The following CLCN5 variants were observed in gnomAD, a reference collection of about 807,000 sequenced individuals.
CLCN5 encodes the protein Cl-/H+ antiporter 5.
Under a neutral mutation model 54.0 loss-of-function variants are expected in CLCN5, and 17 were observed. That is an observed-to-expected ratio of 0.31 (90% confidence interval 0.22 to 0.47). CLCN5 has a LOEUF of 0.47. CLCN5 is among the 20% of genes least tolerant of loss of function. The pLI, the probability that CLCN5 is intolerant of heterozygous loss-of-function variation, is 1.00. For missense variants in CLCN5, 448 were observed against 646.7 expected (o/e 0.69, Z 3.33); for synonymous variants, 222 against 233.0 (o/e 0.95, Z 0.43).
rs1325606841 is a variant in CLCN5, at chrX:50,069,926, A to G, written c.211A>G (p.Met71Val). The G allele has an allele frequency of 3.3e-6, 4 of 1,208,271 alleles. No individual in the cohort carries two copies. Among genetic ancestry groups the G allele is most frequent in the Non-Finnish European group, 4.5e-6 (4 of 893,839 alleles). ...GGGIGSSNRIMDFLEEPIPGV... is the reference protein window; with the variant it reads ...GGGIGSSNRIVDFLEEPIPGV... The stretch of plus-strand genomic sequence containing the variant: ...AGGAATAGGTTCTTCAAATAGGATC[A>G]TGGACTTCTTGGAGGAGCCAATCCC... The change falls in exon 5 of 15, where the codon ATG (methionine) becomes GTG (valine). Residue 71 changes from methionine (M) to valine (V), a missense_variant. This residue lies in a region of CLCN5 where 69 missense variants were observed against 60.9 expected (regional missense o/e 1.13). Coordinates refer to ENST00000376091, the MANE Select transcript of CLCN5 (RefSeq NM_001127898.4).
intron 3 of CLCN5, chrX:50,009,914 A>G (rs1557182254): frequency 3.3e-6 from 1 of 302,681 alleles, no homozygotes; most frequent in Non-Finnish European, 6.5e-6. Flanking sequence ...AATAATATGT[A>G]TTGGGCACCA....
chrX:50,077,141 C>A (rs1933434924), intron 7 of CLCN5, among the ~76,000 whole-genome samples: 1 of 111,568 alleles, frequency 9.0e-6, no homozygotes, highest in Non-Finnish European at 1.9e-5. Context: ...TACACAAATA[C>A]AAACAGTCCA....
Position 49,936,040 on chromosome X carries a change from C to T in CLCN5, c.16+10726C>T, listed in dbSNP as rs192093566. 3.2e-3 allele frequency among the ~76,000 whole-genome samples: 356 copies of T among 111,227 alleles called. 1 individual carries two copies. The highest frequency in any genetic ancestry group is 0.011 in the African/African-American group (340 of 30,608). On this transcript the variant is annotated intron_variant, in intron 3 of 14. Transcript: ENST00000376091. The stretch of plus-strand genomic sequence containing the variant: ...TGAATCTTTCTTTAATGAGTAATAA[C>T]TGCCTTGCCTTCCTATCAGGATTGC...
Position 50,086,424 on chromosome X carries a change from A to T in CLCN5, c.1111A>T (p.Ser371Cys). The change falls in exon 11 of 15, where the codon AGC becomes TGC. Residue 371 changes from serine to cysteine, a missense_variant. This residue lies in a region of CLCN5 where 297 missense variants were observed against 470.4 expected (regional missense o/e 0.63). Transcript: ENST00000376091. ...ACGCTCCATCAATCCATTTGGGAAC[A>T]GCCGCCTGGTACTATTTTATGTGGA... Reference protein sequence around the residue: ...TLRSINPFGNSRLVLFYVEFH... With the variant: ...TLRSINPFGNCRLVLFYVEFH... 1 of 1,211,248 alleles carries T rather than the reference A, an allele frequency of 8.3e-7. No homozygotes were observed. Among genetic ancestry groups the T allele is most frequent in the African/African-American group, 1.7e-5 (1 of 57,690 alleles).
At chrX:49,974,141 A>T (rs1273376469) in intron 3 of CLCN5, among the ~76,000 whole-genome samples, 2 of 112,163 alleles carry the variant, frequency 1.8e-5, no homozygotes, top group African/African-American at 6.5e-5. Flanking sequence ...TTGTTTATCC[A>T]TTCACCAGTT....
chrX:50,067,832 C>A, intron 4 of CLCN5: 1 of 492,237 alleles, frequency 2.0e-6, no homozygotes, highest in Non-Finnish European at 2.5e-6. Flanking sequence ...GAATTGCAAG[C>A]AGTCTGTTGT....
chrX:49,981,083 T>G (rs782174291), intron 3 of CLCN5, among the ~76,000 whole-genome samples: 13 of 111,986 alleles, frequency 1.2e-4, no homozygotes, highest in African/African-American at 3.9e-4. Flanking sequence ...TGCTTTGGTA[T>G]TAATGAATTT....
intron 3 of CLCN5, among the ~76,000 whole-genome samples, chrX:49,974,345 C>T (rs1455828159): frequency 2.7e-5 from 3 of 110,758 alleles, no homozygotes; most frequent in African/African-American, 9.9e-5. Context: ...TGGAATTTTT[C>T]ACCTTCCATG....
At chrX:50,080,853 A>C in intron 8 of CLCN5, 137 bp downstream of exon 8, 1 of 543,191 alleles carries the variant, frequency 1.8e-6, no homozygotes. Flanking sequence ...TCTAAGACCT[A>C]GGTCTTTCCA....
At chrX:50,062,853 C>T (rs1932881918) in intron 4 of CLCN5, among the ~76,000 whole-genome samples, 1 of 105,660 alleles carries the variant, frequency 9.5e-6, no homozygotes, top group Non-Finnish European at 1.9e-5. Flanking sequence ...GATTAAGAAT[C>T]TCACTCAAAG....
At position 49,997,673 on chromosome X, in the gene CLCN5, G is replaced by A. The variant is rs1235053562; in HGVS notation, c.17-44643G>A. Among the ~76,000 whole-genome samples the A allele has an allele frequency of 2.8e-5, 3 of 108,755 alleles. No homozygotes were observed. The East Asian group carries it at 8.7e-4, about 32-fold the overall frequency. 94.4% of individuals were successfully genotyped at this position (108,755 alleles called of 115,157 possible). On this transcript the variant is annotated intron_variant, in intron 3 of 14. Coordinates refer to ENST00000376091, the MANE Select transcript of CLCN5 (RefSeq NM_001127898.4). ...CCTGAGTAGCTGACACTACAGATGT[G>A]TGCTACTATGCCCGGCCTTTTTTTT...
chrX:49,990,655 C>T (rs1176026191), intron 3 of CLCN5, among the ~76,000 whole-genome samples: 1 of 111,931 alleles, frequency 8.9e-6, no homozygotes, highest in Non-Finnish European at 1.9e-5. Context: ...CCAGGCTGGT[C>T]TCAAACTCCT....
chrX:50,016,948 C>T (rs1452908118), intron 3 of CLCN5, among the ~76,000 whole-genome samples: 1 of 111,419 alleles, frequency 9.0e-6, no homozygotes, highest in Non-Finnish European at 1.9e-5. Flanking sequence ...CCATTTATCC[C>T]ATATAGTAAC....
At chrX:50,039,553 C>G (rs370864205) in intron 3 of CLCN5, among the ~76,000 whole-genome samples, 6 of 111,471 alleles carry the variant, frequency 5.4e-5, no homozygotes, top group African/African-American at 2.0e-4. Context: ...CTGTAAGGTA[C>G]AGTTATTTGT....
chrX:50,090,600 C>G, intron 13 of CLCN5, 70 bp from the exon 14 acceptor site: 1 of 1,155,856 alleles, frequency 8.7e-7, no homozygotes, highest in South Asian at 1.9e-5. Flanking sequence ...GAAGGGGGGA[C>G]TGGTTAGGAG....
At chrX:49,970,881 A>G (rs1557176105) in intron 3 of CLCN5, among the ~76,000 whole-genome samples, 1 of 111,361 alleles carries the variant, frequency 9.0e-6, no homozygotes, top group African/African-American at 3.3e-5. Flanking sequence ...TCCACCAGCA[A>G]TGCGTGAAGG....
rs1468147717 is a variant in CLCN5, at chrX:50,099,124, G to A, written c.*6905G>A. On this transcript the variant is annotated 3_prime_UTR_variant, in exon 15 of 15. Transcript: ENST00000376091. ...ACATTGGCAGAAGGGTTAATGGATT[G>A]TCCAGCCCTTTCTCTGTGTGGCTTA... 1.8e-5 allele frequency: 2 copies of A among 112,830 alleles called. No homozygotes were observed. Among genetic ancestry groups the A allele is most frequent in the African/African-American group, 6.5e-5 (2 of 30,962 alleles). The allele number at this position is 112,830 out of a possible 1,213,427, so 9.3% of individuals were successfully genotyped here.
intron 4 of CLCN5, chrX:50,067,804 G>C (rs1383526848): frequency 3.3e-6 from 2 of 610,387 alleles, no homozygotes; most frequent in Non-Finnish European, 3.9e-6. Context: ...CATGCCCCCC[G>C]GGAGCAGGGG....
intron 3 of CLCN5, among the ~76,000 whole-genome samples, chrX:49,995,156 A>T (rs962481321): frequency 9.8e-5 from 11 of 111,810 alleles, no homozygotes; most frequent in African/African-American, 2.9e-4. Context: ...ACCACACCTT[A>T]GGTGGGTGGT....
Sources: allele counts gnomAD v4.1 joint callset (sites outside exome capture counted in the v4.1 genomes callset), GRCh38; gene constraint gnomAD v4.1.1; regional missense constraint gnomAD v4.1.1; transcripts MANE v1.5; gene names NCBI Gene and HGNC (gene_info 2026-07-23, HGNC 2026-07-21).